PRUNE2: variants seen among roughly 807,000 people sequenced by gnomAD.
The protein encoded by PRUNE2 is protein prune homolog 2.
PRUNE2 carries 164 observed loss-of-function variants against 252.0 expected under a neutral mutation model. The observed-to-expected ratio is 0.65, with a 90% CI of 0.57 to 0.74. The LOEUF (loss-of-function observed/expected upper bound fraction) is 0.74. Among genes scored for constraint, PRUNE2 ranks in the 30% least tolerant of loss-of-function variants. PRUNE2 has a pLI of 0.00. For missense variants in PRUNE2, 3,495 were observed against 3,711.0 expected, an observed-to-expected ratio of 0.94 and a Z score of 1.51; for synonymous variants, 1,292 against 1,350.2, an observed-to-expected ratio of 0.96 and a Z score of 0.94.
intron 6 of PRUNE2, among the ~76,000 whole-genome samples, chr9:76,746,917 G>A (rs1323240005): frequency 6.6e-6 from 1 of 152,096 alleles, no homozygotes; most frequent in Admixed American, 6.5e-5. Context: ...TATAATAAAT[G>A]GGTAAATGTA....
At chr9:76,665,663 G>A (rs1188081419) in intron 9 of PRUNE2, among the ~76,000 whole-genome samples, 1 of 152,154 alleles carries the variant, frequency 6.6e-6, no homozygotes, top group Non-Finnish European at 1.5e-5. Flanking sequence ...CACAGATTTA[G>A]ACACGTGAAG....
intron 1 of PRUNE2, among the ~76,000 whole-genome samples, chr9:76,878,506 A>C (rs1299953343): frequency 6.6e-6 from 1 of 152,202 alleles, no homozygotes; most frequent in East Asian, 1.9e-4. Context: ...AGCTCTGTTG[A>C]CTATTCACTA....
rs2046700993 is a variant in PRUNE2, at chr9:76,711,189, G to A, written c.1085C>T (p.Ser362Phe). ...VINRRCPEMV[S>F]NSRTSSTEAV... ...TTCTGTTGAGGATGTCCGGCTATTGGAGACCATCTCTGGACACCTCCTGTT... is the reference window on the plus strand; with the variant it reads ...TTCTGTTGAGGATGTCCGGCTATTGAAGACCATCTCTGGACACCTCCTGTT... The change falls in exon 8 of 19, where the codon TCC becomes TTC. Residue 362 changes from serine (S) to phenylalanine (F), a missense_variant. Ser to Phe is a radical substitution (Grantham distance 155). Coordinates refer to ENST00000376718, the MANE Select transcript of PRUNE2 (RefSeq NM_015225.3). 6.2e-7 allele frequency: 1 copy of A among 1,613,818 alleles called. No homozygotes were observed. Among genetic ancestry groups the A allele is most frequent in the African/African-American group, 1.3e-5 (1 of 74,906 alleles).
At chr9:76,774,547 C>T (rs2053536469) in intron 6 of PRUNE2, among the ~76,000 whole-genome samples, 1 of 150,858 alleles carries the variant, frequency 6.6e-6, no homozygotes, top group Non-Finnish European at 1.5e-5. Flanking sequence ...CAACCTCCAC[C>T]TCCCAGATTC....
intron 9 of PRUNE2, among the ~76,000 whole-genome samples, chr9:76,660,239 G>C (rs1242741950): frequency 6.6e-6 from 1 of 152,172 alleles, no homozygotes; most frequent in East Asian, 1.9e-4. Context: ...GCCTAGACCT[G>C]AACTTCTATA....
At chr9:76,762,679 C>T (rs1054359911) in intron 6 of PRUNE2, among the ~76,000 whole-genome samples, 7 of 152,134 alleles carry the variant, frequency 4.6e-5, no homozygotes, top group Non-Finnish European at 1.0e-4. Flanking sequence ...CTCCTCCAGT[C>T]CTAGCTCTTG....
In PRUNE2 at chr9:76,826,676, C is replaced by G. The variant is rs1032201708; in HGVS notation, c.565G>C (p.Glu189Gln). The G allele has an allele frequency of 6.2e-6, 10 of 1,612,572 alleles. No homozygotes were observed. In the African/African-American group the frequency reaches 1.3e-4, roughly 22 times the overall value. The change falls in exon 5 of 19, where the codon GAG (glutamate) becomes CAG (glutamine). Residue 189 changes from glutamate (E) to glutamine (Q), a missense_variant. Transcript: ENST00000376718. Reference sequence around the variant, plus strand: ...TCTTCCAGGATAGAAAGAATTTCCTCCTGCTTCTCTGAGATCTTCTCTGAT... The same window carrying G: ...TCTTCCAGGATAGAAAGAATTTCCTGCTGCTTCTCTGAGATCTTCTCTGAT... ...MESEKISEKQ[E>Q]EILSILEEKF...
intron 9 of PRUNE2, among the ~76,000 whole-genome samples, chr9:76,697,563 T>A (rs555696901): frequency 3.9e-5 from 6 of 152,290 alleles, no homozygotes; most frequent in Non-Finnish European, 5.9e-5. Context: ...GAGTCAGGCA[T>A]GGGTTCTGGC....
Position 76,678,756 on chromosome 9 carries a change from A to C in PRUNE2, c.8277-23254T>G, listed in dbSNP as rs565306344. ...GGCAGGAGAATGGTGTGAACCTCGGAGGCGGAGCTTGCGGTGAGCCGAGAT... is the reference window on the plus strand; with the variant it reads ...GGCAGGAGAATGGTGTGAACCTCGGCGGCGGAGCTTGCGGTGAGCCGAGAT... On this transcript the variant is annotated intron_variant, in intron 9 of 18. Transcript: ENST00000376718. Among the ~76,000 whole-genome samples, 97 of 151,990 alleles carry C rather than the reference A, an allele frequency of 6.4e-4. No homozygotes were observed. The Middle Eastern group carries it at 0.02, about 32-fold the overall frequency.
At chr9:76,669,957 C>T (rs2040999427) in intron 9 of PRUNE2, among the ~76,000 whole-genome samples, 1 of 152,186 alleles carries the variant, frequency 6.6e-6, no homozygotes. Flanking sequence ...CCCTCTCTCT[C>T]TTTGGGATAA....
At chr9:76,678,052 T>A (rs188347890) in intron 9 of PRUNE2, among the ~76,000 whole-genome samples, 139 of 151,842 alleles carry the variant, frequency 9.2e-4, no homozygotes, top group Non-Finnish European at 1.5e-5. Context: ...GCCAATTAAG[T>A]TTGTGAAGCA....
chr9:76,780,620 G>A (rs574811732), intron 6 of PRUNE2, among the ~76,000 whole-genome samples: 3 of 152,306 alleles, frequency 2.0e-5, no homozygotes, highest in African/African-American at 7.2e-5. Context: ...GAACCCAGGA[G>A]GCAGAGCTTG....
chr9:76,858,568 T>C (rs1384184805), intron 1 of PRUNE2, among the ~76,000 whole-genome samples: 1 of 151,816 alleles, frequency 6.6e-6, no homozygotes, highest in African/African-American at 2.4e-5. Flanking sequence ...TGAGAACACA[T>C]AGACACAGGG....
At chr9:76,721,376 C>T (rs1443383979) in intron 6 of PRUNE2, among the ~76,000 whole-genome samples, 1 of 152,196 alleles carries the variant, frequency 6.6e-6, no homozygotes, top group East Asian at 1.9e-4. Context: ...ATAGGTCAAG[C>T]ATTCTGGACT....
At position 76,708,336 on chromosome 9, in the gene PRUNE2, G is replaced by C; in HGVS notation, c.3938C>G (p.Pro1313Arg). ...RLENPGYFPHPDPWKGHGDGQ... is the reference protein window; with the variant it reads ...RLENPGYFPHRDPWKGHGDGQ... ...ATCGCCATGACCTTTCCATGGATCT[G>C]GGTGTGGAAAATACCCTGGATTCTC... Residue 1313 changes from proline to arginine, a missense_variant, in exon 8 of 19, where the codon CCA becomes CGA. By Grantham distance (103) the Pro-to-Arg change is moderately radical. Coordinates refer to ENST00000376718, the MANE Select transcript of PRUNE2 (RefSeq NM_015225.3). 6.2e-7 allele frequency: 1 copy of C among 1,613,766 alleles called. No homozygotes were observed. Among genetic ancestry groups the C allele is most frequent in the Non-Finnish European group, 8.5e-7 (1 of 1,179,872 alleles).
chr9:76,776,291 C>T (rs2053727465), intron 6 of PRUNE2, among the ~76,000 whole-genome samples: 1 of 152,092 alleles, frequency 6.6e-6, no homozygotes, highest in South Asian at 2.1e-4. Context: ...CACCCTCCCG[C>T]CTTCCCACCT....
At chr9:76,664,127 A>G (rs1234821750) in intron 9 of PRUNE2, among the ~76,000 whole-genome samples, 2 of 152,214 alleles carry the variant, frequency 1.3e-5, no homozygotes, top group Admixed American at 6.5e-5. Flanking sequence ...ATTTGCTTCT[A>G]AAGAACAGAA....
intron 9 of PRUNE2, among the ~76,000 whole-genome samples, chr9:76,664,737 T>A (rs909299660): frequency 2.0e-5 from 3 of 152,174 alleles, no homozygotes; most frequent in Admixed American, 6.5e-5. Context: ...GGTCTCCAAC[T>A]CCCAGGCTCA....
In PRUNE2 at chr9:76,709,222, A is replaced by T. The variant is rs772188405; in HGVS notation, c.3052T>A (p.Ser1018Thr). 5 of 1,613,768 alleles carry T rather than the reference A, an allele frequency of 3.1e-6. 1 individual carries two copies. In the Middle Eastern group the frequency reaches 4.9e-4, roughly 160 times the overall value. ...TDIPPQSLQQ[S>T]SRNRISSGPG... ...CCTGAACTGATTCGATTTCGAGATG[A>T]CTGTTGCAGTGACTGAGGAGGAATG... The change falls in exon 8 of 19, where the codon TCA (serine) becomes ACA (threonine). Residue 1018 changes from serine (S) to threonine (T), a missense_variant. By Grantham distance (58) the Ser-to-Thr change is moderately conservative. Transcript: ENST00000376718.
Sources: gnomAD v4.1 joint callset for allele counts (sites outside exome capture counted in the v4.1 genomes callset) on GRCh38, gnomAD v4.1.1 for gene constraint, MANE v1.5 for transcripts, NCBI Gene and HGNC (gene_info 2026-07-23, HGNC 2026-07-21) for gene names.